Variants in LRRC1 observed in about 807,000 individuals in gnomAD.
LRRC1 encodes leucine rich repeat containing 1.
Under a neutral mutation model 69.9 loss-of-function variants are expected in LRRC1, and 28 were observed. The observed-to-expected ratio is 0.40, with a 90% CI of 0.30 to 0.55. LRRC1 has a LOEUF of 0.55. LRRC1 is among the 20% of genes least tolerant of loss of function. The pLI is 0.47. For missense variants in LRRC1, 498 were observed against 609.0 expected (o/e 0.82, Z 1.92); for synonymous variants, 236 against 240.2 (o/e 0.98, Z 0.16).
At position 53,882,950 on chromosome 6, in the gene LRRC1, A is replaced by G. The variant is rs2127431429; in HGVS notation, c.420A>G (p.Leu140=). The change falls in exon 4 of 14, where the codon CTA becomes CTG. Residue 140 remains leucine, a synonymous_variant. Transcript: ENST00000370888. ...LTCLSVNDIS[L]QSLPENIGNL... ...GTCTTTCTGTAAATGACATCTCACT[A>G]CAGTCTCTACCTGAAAATATTGGCA... 6.2e-7 allele frequency: 1 copy of G among 1,610,510 alleles called. No homozygotes were observed. The highest frequency in any genetic ancestry group is 8.5e-7 in the Non-Finnish European group (1 of 1,178,712).
In LRRC1 at chr6:53,920,779, C is replaced by A. The variant is rs759013808; in HGVS notation, c.1416+18C>A. On this transcript the variant is annotated intron_variant, in intron 13 of 13. Transcript: ENST00000370888. ...ATGAGACGGTATGGAAATGCAGATT[C>A]TTTGCCTCTGTGGAAGTTCAAAATT... The A allele has an allele frequency of 5.6e-6, 9 of 1,613,844 alleles. No homozygotes were observed. In the African/African-American group the frequency reaches 8.0e-5, roughly 14 times the overall value.
chr6:53,905,158 T>G (rs1211547779), intron 10 of LRRC1: 1 of 151,376 alleles, frequency 6.6e-6, no homozygotes, highest in Non-Finnish European at 1.5e-5. Context: ...AGGTGTCTAG[T>G]GTGTTGTTTA....
At chr6:53,886,266 G>A (rs974045237) in intron 4 of LRRC1, among the ~76,000 whole-genome samples, 1 of 152,260 alleles carries the variant, frequency 6.6e-6, no homozygotes, top group East Asian at 1.9e-4. Context: ...TTAAGTTACT[G>A]TGGCATATTT....
At chr6:53,808,733 G>A (rs545246321) in intron 1 of LRRC1, among the ~76,000 whole-genome samples, 12 of 152,074 alleles carry the variant, frequency 7.9e-5, no homozygotes, top group Non-Finnish European at 1.6e-4. Context: ...GGGAGACAGT[G>A]TTGTCTGCAC....
chr6:53,832,374 T>A (rs556003389), intron 1 of LRRC1, among the ~76,000 whole-genome samples: 16 of 152,174 alleles, frequency 1.1e-4, no homozygotes, highest in African/African-American at 1.4e-4. Context: ...ACCTTGCACA[T>A]AGTTGGCATA....
chr6:53,857,344 G>A (rs1043402056), intron 2 of LRRC1, among the ~76,000 whole-genome samples: 1 of 152,226 alleles, frequency 6.6e-6, no homozygotes, highest in Admixed American at 6.5e-5. Flanking sequence ...GGGACTGGTA[G>A]TGTGGGAGCC....
At chr6:53,906,733 G>A (rs188905424) in intron 10 of LRRC1, among the ~76,000 whole-genome samples, 8 of 152,256 alleles carry the variant, frequency 5.3e-5, no homozygotes, top group South Asian at 2.1e-4. Context: ...ACTTCAAAGC[G>A]TTTTAGTCAT....
chr6:53,880,338 C>T (rs1412784380), intron 3 of LRRC1, among the ~76,000 whole-genome samples: 1 of 152,098 alleles, frequency 6.6e-6, no homozygotes, highest in Non-Finnish European at 1.5e-5. Context: ...CCAACCTTAT[C>T]CTCTTTCCCC....
chr6:53,916,556 A>G (rs1024129496), intron 11 of LRRC1, among the ~76,000 whole-genome samples: 1 of 152,166 alleles, frequency 6.6e-6, no homozygotes, highest in African/African-American at 2.4e-5. Flanking sequence ...TTTGTGCATT[A>G]TACCCAAATA....
At chr6:53,891,846 G>T (rs537712281) in intron 4 of LRRC1, among the ~76,000 whole-genome samples, 63 of 151,970 alleles carry the variant, frequency 4.1e-4, no homozygotes, top group African/African-American at 1.4e-3. Flanking sequence ...ACAAAAATTA[G>T]CTGGGTGTGG....
chr6:53,812,416 C>A (rs1307121097), intron 1 of LRRC1, among the ~76,000 whole-genome samples: 1 of 151,852 alleles, frequency 6.6e-6, no homozygotes, highest in Admixed American at 6.6e-5. Flanking sequence ...AGAGGCCGGG[C>A]GCGGTGGCTC....
At chr6:53,820,351 T>G (rs890795923) in intron 1 of LRRC1, among the ~76,000 whole-genome samples, 3 of 150,354 alleles carry the variant, frequency 2.0e-5, no homozygotes, top group Middle Eastern at 3.2e-3. Context: ...GAAAAAAGTC[T>G]CTATTTCACA....
chr6:53,899,698 A>G (rs1386189732), intron 7 of LRRC1, 49 bp from the exon 8 acceptor site: 1 of 1,588,054 alleles, frequency 6.3e-7, no homozygotes, highest in Admixed American at 1.7e-5. Flanking sequence ...ATGCCTCTGC[A>G]CTGTGGCAGG....
chr6:53,818,901 T>G (rs1765032022), intron 1 of LRRC1, among the ~76,000 whole-genome samples: 1 of 152,198 alleles, frequency 6.6e-6, no homozygotes, highest in African/African-American at 2.4e-5. Flanking sequence ...GGAACTCATG[T>G]AGAGCAGCTA....
chr6:53,853,523 T>A (rs1000704639), intron 2 of LRRC1, among the ~76,000 whole-genome samples: 1 of 152,026 alleles, frequency 6.6e-6, no homozygotes, highest in African/African-American at 2.4e-5. Context: ...GACCTCAGGT[T>A]ATCCACCTGC....
In LRRC1 at chr6:53,814,496, C is replaced by T. The variant is rs550463389; in HGVS notation, c.159+19081C>T. On this transcript the variant is annotated intron_variant, in intron 1 of 13. Coordinates refer to ENST00000370888, the MANE Select transcript of LRRC1 (RefSeq NM_018214.5). ...TTTGATGGTTGAGGCAGACTAAGAACTAAGTCTAAACAATAAGAGAAGTGA... is the reference window on the plus strand; with the variant it reads ...TTTGATGGTTGAGGCAGACTAAGAATTAAGTCTAAACAATAAGAGAAGTGA... 1.4e-4 allele frequency among the ~76,000 whole-genome samples: 21 copies of T among 152,298 alleles called. No homozygotes were observed. In the South Asian group the frequency reaches 4.1e-3, roughly 30 times the overall value.
chr6:53,879,183 T>C (rs1767179019), intron 3 of LRRC1, 112 bp downstream of exon 3: 3 of 669,982 alleles, frequency 4.5e-6, no homozygotes, highest in Admixed American at 5.1e-5. Flanking sequence ...TGGATCACTG[T>C]CTTTATCAAG....
intron 1 of LRRC1, among the ~76,000 whole-genome samples, chr6:53,839,574 A>G (rs1205346743): frequency 2.0e-5 from 3 of 152,096 alleles, no homozygotes; most frequent in Non-Finnish European, 4.4e-5. Flanking sequence ...TTGCCTCCAT[A>G]TTGCTAAATG....
At position 53,913,856 on chromosome 6, in the gene LRRC1, C is replaced by G. The variant is rs1341239048; in HGVS notation, c.993C>G (p.Ile331Met). 1 of 1,572,352 alleles carries G rather than the reference C, an allele frequency of 6.4e-7. No individual in the cohort carries two copies. The highest frequency in any genetic ancestry group is 8.7e-7 in the Non-Finnish European group (1 of 1,154,820). Residue 331 changes from isoleucine (I) to methionine (M), a missense_variant and splice_region_variant, in exon 11 of 14, where the codon ATC becomes ATG. Physicochemically the swap from Ile to Met is conservative, Grantham distance 10. Coordinates refer to ENST00000370888, the MANE Select transcript of LRRC1 (RefSeq NM_018214.5). Reference protein sequence around the residue: ...RNKLVSLPKEIGGCCSLTVFC... With the variant: ...RNKLVSLPKEMGGCCSLTVFC... ...ATGTATTTTCTTTCTCACCATAGAT[C>G]GGCGGGTGCTGCAGCCTCACTGTGT...
Sources: gnomAD v4.1 joint callset for allele counts (sites outside exome capture counted in the v4.1 genomes callset) on GRCh38, gnomAD v4.1.1 for gene constraint, MANE v1.5 for transcripts, NCBI Gene and HGNC (gene_info 2026-07-23, HGNC 2026-07-21) for gene names.